The following RAB23 variants were observed in gnomAD, a reference collection of about 807,000 sequenced individuals.
The protein encoded by RAB23 is RAB23, member RAS oncogene family, also known as ras-related protein Rab-23.
Under a neutral mutation model 30.0 loss-of-function variants are expected in RAB23, and 15 were observed. The ratio of observed to expected loss-of-function variants is 0.50; its 90% CI spans 0.33 to 0.77. The LOEUF (loss-of-function observed/expected upper bound fraction) is 0.77, where lower values mean the gene tolerates loss of function less well. RAB23 is among the 30% of genes least tolerant of loss of function. The pLI, the probability that RAB23 is intolerant of heterozygous loss-of-function variation, is 0.02. For missense variants in RAB23, 243 were observed against 275.4 expected (o/e 0.88, Z 0.83); for synonymous variants, 93 against 94.0 (o/e 0.99, Z 0.06).
chr6:57,211,946 T>C (rs920708737), intron 1 of RAB23, among the ~76,000 whole-genome samples: 15 of 152,250 alleles, frequency 9.9e-5, no homozygotes, highest in Non-Finnish European at 1.8e-4. Context: ...TCTTTGTCCC[T>C]AATAGTCTCA....
intron 3 of RAB23, among the ~76,000 whole-genome samples, chr6:57,197,189 AG>A (rs549603293): frequency 2.6e-4 from 40 of 152,270 alleles, no homozygotes; most frequent in African/African-American, 8.7e-4. Context: ...AGTGATCCTA[AG>A]GAACATAATT....
chr6:57,204,545 CTGT>C (rs1765385014), intron 3 of RAB23, among the ~76,000 whole-genome samples: 1 of 152,128 alleles, frequency 6.6e-6, no homozygotes, highest in African/African-American at 2.4e-5. Flanking sequence ...TCCATATCAT[CTGT>C]TGTTTGGGAC....
In RAB23 at chr6:57,188,761, T is replaced by G. The variant is rs1238645173; in HGVS notation, c.*1700A>C. 1 of 152,200 alleles carries G rather than the reference T, an allele frequency of 6.6e-6. No individual in the cohort carries two copies. The highest frequency in any genetic ancestry group is 1.5e-5 in the Non-Finnish European group (1 of 68,036). The allele number at this position is 152,200 out of a possible 1,614,324, so 9.4% of individuals were successfully genotyped here. A position where few individuals can be genotyped will look rare whatever the true frequency, so the allele number is the denominator to read the frequency against. Reference sequence around the variant, plus strand: ...GTGAAATAGATAATGCCAGATCATTTCAATATAATGAAAAGCAAAAATTTA... The same window carrying G: ...GTGAAATAGATAATGCCAGATCATTGCAATATAATGAAAAGCAAAAATTTA... On this transcript the variant is annotated 3_prime_UTR_variant, in exon 7 of 7. Transcript: ENST00000468148.
intron 3 of RAB23, among the ~76,000 whole-genome samples, chr6:57,199,022 C>CA (rs1360078020): frequency 6.6e-6 from 1 of 152,192 alleles, no homozygotes; most frequent in East Asian, 1.9e-4. Context: ...GGGAATGTGC[C>CA]AAAGTGCTTG....
chr6:57,197,126 T>TC (rs1298868327), intron 3 of RAB23, among the ~76,000 whole-genome samples: 6 of 152,198 alleles, frequency 3.9e-5, no homozygotes, highest in Non-Finnish European at 7.3e-5. Flanking sequence ...CATAATTTGT[T>TC]CATTCTATTC....
chr6:57,197,326 A>G (rs978075462), intron 3 of RAB23, among the ~76,000 whole-genome samples: 2 of 152,178 alleles, frequency 1.3e-5, no homozygotes, highest in African/African-American at 2.4e-5. Flanking sequence ...TTAACCATCA[A>G]CTGTCATTTT....
chr6:57,212,457 ATACT>A (rs376293923), intron 1 of RAB23, among the ~76,000 whole-genome samples: 20 of 152,290 alleles, frequency 1.3e-4, no homozygotes, highest in African/African-American at 4.3e-4. Context: ...TTCCATCTTG[ATACT>A]TACTTCCTGG....
intron 1 of RAB23, among the ~76,000 whole-genome samples, chr6:57,220,601 T>TG (rs1766017589): frequency 6.6e-6 from 1 of 152,136 alleles, no homozygotes; most frequent in South Asian, 2.1e-4. Context: ...TGAAACAACT[T>TG]GGAGAAATCT....
At chr6:57,198,470 C>T (rs182724532) in intron 3 of RAB23, among the ~76,000 whole-genome samples, 113 of 152,054 alleles carry the variant, frequency 7.4e-4, no homozygotes, top group Middle Eastern at 6.8e-3. Context: ...GCCGAGATCG[C>T]GCCACTGCAA....
chr6:57,205,016 A>G, intron 3 of RAB23, among the ~76,000 whole-genome samples: 1 of 151,544 alleles, frequency 6.6e-6, no homozygotes, highest in East Asian at 1.9e-4. Context: ...TTACATAGAT[A>G]CATACATATA....
intron 1 of RAB23, among the ~76,000 whole-genome samples, chr6:57,212,203 G>A (rs745700522): frequency 6.6e-6 from 1 of 152,040 alleles, no homozygotes; most frequent in Non-Finnish European, 1.5e-5. Flanking sequence ...TGTTGAGGCC[G>A]CATTCTCCCC....
chr6:57,199,887 C>A (rs1394661164), intron 3 of RAB23, among the ~76,000 whole-genome samples: 1 of 152,212 alleles, frequency 6.6e-6, no homozygotes, highest in Non-Finnish European at 1.5e-5. Context: ...TTTCCCCTAA[C>A]TGAATATCAT....
chr6:57,213,324 TC>T (rs1420930627), intron 1 of RAB23, among the ~76,000 whole-genome samples: 6 of 152,100 alleles, frequency 3.9e-5, no homozygotes, highest in African/African-American at 1.2e-4. Flanking sequence ...GGACCCCTGG[TC>T]TAGGGTACAA....
intron 6 of RAB23, among the ~76,000 whole-genome samples, chr6:57,192,671 T>C (rs1036319687): frequency 2.0e-5 from 3 of 152,120 alleles, no homozygotes; most frequent in Non-Finnish European, 4.4e-5. Flanking sequence ...GAGGATCACT[T>C]GAGCCCAGGA....
intron 2 of RAB23, among the ~76,000 whole-genome samples, chr6:57,208,279 G>A (rs1765519719): frequency 6.6e-6 from 1 of 152,124 alleles, no homozygotes; most frequent in East Asian, 1.9e-4. Flanking sequence ...TTAGGTCAGT[G>A]CCTGTTCTCC....
At chr6:57,200,167 T>G (rs925592799) in intron 3 of RAB23, among the ~76,000 whole-genome samples, 24 of 151,820 alleles carry the variant, frequency 1.6e-4, no homozygotes, top group Non-Finnish European at 2.4e-4. Context: ...TGCACAACTC[T>G]GAACTCCCTC....
In RAB23 at chr6:57,210,440, T is replaced by C. The variant is rs1765612229; in HGVS notation, c.-60A>G. 6.6e-7 allele frequency: 1 copy of C among 1,515,974 alleles called. No homozygotes were observed. Among genetic ancestry groups the C allele is most frequent in the Non-Finnish European group, 9.2e-7 (1 of 1,092,836 alleles). The allele number at this position is 1,515,974 out of a possible 1,614,324, so 93.9% of individuals were successfully genotyped here. On this transcript the variant is annotated 5_prime_UTR_variant, in exon 2 of 7. Transcript: ENST00000468148. ...ATTCTAGGAGATCAGATCTTCCCTC[T>C]CAAATCTGTGGTTTAAAATGAAATT...
At chr6:57,199,290 T>G (rs1002534956) in intron 3 of RAB23, among the ~76,000 whole-genome samples, 1 of 152,150 alleles carries the variant, frequency 6.6e-6, no homozygotes, top group Non-Finnish European at 1.5e-5. Flanking sequence ...CTCCCTTTGG[T>G]GGGCTCCTGA....
chr6:57,220,536 G>A (rs565993842), intron 1 of RAB23, among the ~76,000 whole-genome samples: 1 of 152,182 alleles, frequency 6.6e-6, no homozygotes, highest in South Asian at 2.1e-4. Context: ...ACAGACTGTG[G>A]CATATCCACA....
Sources: allele counts gnomAD v4.1 joint callset (sites outside exome capture counted in the v4.1 genomes callset), GRCh38; gene constraint gnomAD v4.1.1; transcripts MANE v1.5; gene names NCBI Gene and HGNC (gene_info 2026-07-23, HGNC 2026-07-21).